Variants in TANC2 observed in about 807,000 individuals in gnomAD.
The protein encoded by TANC2 is protein TANC2.
In TANC2, 26 loss-of-function variants were observed where a neutral mutation model predicts 210.5. The observed-to-expected ratio is 0.12, with a 90% confidence interval of 0.09 to 0.17. The LOEUF is 0.17. Ranked by LOEUF, TANC2 falls within the 10% of genes least tolerant of loss-of-function variation. The pLI, the probability that TANC2 is intolerant of heterozygous loss-of-function variation, is 1.00. For missense variants in TANC2, 2,129 were observed against 2,608.9 expected (o/e 0.82, Z 4.01); for synonymous variants, 931 against 967.1 (o/e 0.96, Z 0.69).
chr17:63,075,140 C>G (rs2036526310), intron 3 of TANC2, among the ~76,000 whole-genome samples: 1 of 152,054 alleles, frequency 6.6e-6, no homozygotes, highest in South Asian at 2.1e-4. Context: ...CTTATTCACT[C>G]TTATTTTCCC....
chr17:63,310,841 A>G (rs920695013), intron 9 of TANC2, among the ~76,000 whole-genome samples: 2 of 152,234 alleles, frequency 1.3e-5, no homozygotes, highest in East Asian at 1.9e-4. Flanking sequence ...CGCAACCAGG[A>G]TAATCTTTCT....
intron 11 of TANC2, among the ~76,000 whole-genome samples, chr17:63,324,121 A>T (rs935564116): frequency 5.3e-5 from 8 of 152,218 alleles, no homozygotes; most frequent in African/African-American, 1.9e-4. Context: ...TTCTTCAAAA[A>T]AGGTTTTTAT....
intron 2 of TANC2, among the ~76,000 whole-genome samples, chr17:63,011,771 TA>T (rs1343488951): frequency 6.6e-6 from 1 of 152,156 alleles, no homozygotes; most frequent in African/African-American, 2.4e-5. Flanking sequence ...ATTTGCAAAA[TA>T]TGACTTCTTT....
At position 63,412,200 on chromosome 17, in the gene TANC2, C is replaced by G. The variant is rs2048725220; in HGVS notation, c.3898+70C>G. ...AGACTGGTCCAGTGGTCTGGCTGCC[C>G]TGGGTATTTGGTGTGAGTGTATATA... On this transcript the variant is annotated intron_variant, in intron 23 of 27. Coordinates refer to ENST00000689528, the Ensembl canonical transcript of TANC2. The surrounding 1 kb of genome is among the most constrained non-coding windows in gnomAD (Gnocchi z 4.2). 3.1e-6 allele frequency: 5 copies of G among 1,604,608 alleles called. No homozygotes were observed. The highest frequency in any genetic ancestry group is 3.4e-6 in the Non-Finnish European group (4 of 1,174,204).
intron 1 of TANC2, among the ~76,000 whole-genome samples, chr17:62,973,521 G>A (rs1051115141): frequency 3.9e-5 from 6 of 152,050 alleles, no homozygotes; most frequent in African/African-American, 1.4e-4. Flanking sequence ...CTCTTATTGT[G>A]GAATTAGAGG....
chr17:63,416,824 C>T (rs1049856990), intron 26 of TANC2, among the ~76,000 whole-genome samples: 7 of 152,192 alleles, frequency 4.6e-5, no homozygotes, highest in Admixed American at 3.9e-4. Flanking sequence ...GAAGAGGCCC[C>T]CCAACCCCGG....
intron 14 of TANC2, among the ~76,000 whole-genome samples, chr17:63,378,319 A>G (rs901641867): frequency 1.3e-5 from 2 of 152,182 alleles, no homozygotes; most frequent in Non-Finnish European, 2.9e-5. Flanking sequence ...ACAACCCTAA[A>G]TATACATACA....
chr17:63,388,576 C>T, intron 15 of TANC2, 59 bp from the exon 16 acceptor site: 1 of 1,543,488 alleles, frequency 6.5e-7, no homozygotes, highest in Non-Finnish European at 8.8e-7. Context: ...ACTAATTCAC[C>T]ACTGATGCTA....
At chr17:63,284,852 A>G (rs1307433797) in intron 9 of TANC2, among the ~76,000 whole-genome samples, 2 of 151,980 alleles carry the variant, frequency 1.3e-5, no homozygotes, top group Non-Finnish European at 2.9e-5. Flanking sequence ...GCAAAAATGG[A>G]TTTTGTGGAT....
chr17:63,161,684 C>G (rs2040030668), intron 5 of TANC2, among the ~76,000 whole-genome samples: 1 of 152,156 alleles, frequency 6.6e-6, no homozygotes, highest in Non-Finnish European at 1.5e-5. Context: ...GATATCTTCT[C>G]TGTGCTCACT....
chr17:63,332,657 T>G (rs568825412), intron 11 of TANC2: 1 of 191,328 alleles, frequency 5.2e-6, no homozygotes, highest in African/African-American at 2.4e-5. Context: ...AATGATAGAT[T>G]CTTAATGTAG....
At chr17:63,124,689 A>G (rs2038636845) in intron 4 of TANC2, among the ~76,000 whole-genome samples, 1 of 152,346 alleles carries the variant, frequency 6.6e-6, no homozygotes, top group Admixed American at 6.5e-5. Context: ...GACTAGTACC[A>G]GTCCGTGGCC....
intron 15 of TANC2, among the ~76,000 whole-genome samples, chr17:63,380,665 A>G (rs1454986273): frequency 1.3e-5 from 2 of 152,198 alleles, no homozygotes; most frequent in African/African-American, 2.4e-5. Context: ...GAATATGGGT[A>G]TCTTAAACAG....
At chr17:63,056,301 G>T (rs2035806131) in intron 2 of TANC2, among the ~76,000 whole-genome samples, 1 of 151,664 alleles carries the variant, frequency 6.6e-6, no homozygotes, top group Non-Finnish European at 1.5e-5. Flanking sequence ...TTCCACTGGG[G>T]TAAGATGTAA....
chr17:63,395,812 G>A (rs751552018), exon 18 of TANC2: 2 of 1,613,458 alleles, frequency 1.2e-6, no homozygotes, highest in Non-Finnish European at 1.7e-6. Context: ...TCTGGAGGTT[G>A]TCAAGTTTTT....
intron 15 of TANC2, among the ~76,000 whole-genome samples, chr17:63,382,768 A>G (rs1218401794): frequency 1.3e-5 from 2 of 152,212 alleles, no homozygotes; most frequent in African/African-American, 4.8e-5. Flanking sequence ...TGTTCTTCTC[A>G]TCTATATTTT....
In TANC2 at chr17:63,410,500, G is replaced by A. The variant is rs527292417; in HGVS notation, c.3590-1011G>A. ...GGGAGGGAGAAGGGGCCCTGGCATC[G>A]TGATCAATGACAAACATGTCCTGGG... On this transcript the variant is annotated intron_variant, in intron 21 of 27. Coordinates refer to ENST00000689528, the Ensembl canonical transcript of TANC2. Among the ~76,000 whole-genome samples the A allele has an allele frequency of 4.6e-5, 7 of 152,130 alleles. No homozygotes were observed. In the East Asian group the frequency reaches 5.8e-4, roughly 13 times the overall value.
At position 63,279,989 on chromosome 17, in the gene TANC2, C is replaced by T. The variant is rs554988960; in HGVS notation, c.1159+12116C>T. Among the ~76,000 whole-genome samples, 10 of 152,116 alleles carry T rather than the reference C, an allele frequency of 6.6e-5. No individual in the cohort carries two copies. The South Asian group carries it at 1.5e-3, about 22-fold the overall frequency. On this transcript the variant is annotated intron_variant, in intron 9 of 27. Coordinates refer to ENST00000689528, the Ensembl canonical transcript of TANC2. ...GTGGCAAAGGGATTCTGTGAAGGAA[C>T]AAGGGAAATAACATTTGAGTCATGG...
chr17:63,371,894 G>A (rs778276817), intron 14 of TANC2, among the ~76,000 whole-genome samples: 9 of 152,136 alleles, frequency 5.9e-5, no homozygotes, highest in South Asian at 4.1e-4. Flanking sequence ...CTTGTAACCC[G>A]TAGTTATCCA....
Sources: gnomAD v4.1 joint callset for allele counts (sites outside exome capture counted in the v4.1 genomes callset) on GRCh38, gnomAD v4.1.1 for gene constraint, Gnocchi (gnomAD v3.1) non-coding constraint, MANE v1.5 for transcripts, NCBI Gene and HGNC (gene_info 2026-07-23, HGNC 2026-07-21) for gene names.